Variants in ZBTB40 observed in about 807,000 individuals in gnomAD.
ZBTB40 encodes the protein zinc finger and BTB domain containing 40.
A neutral mutation model predicts 117.5 loss-of-function variants in ZBTB40; 60 were observed. That is an observed-to-expected ratio of 0.51 (90% CI 0.41 to 0.63). The LOEUF is 0.63. Ranked by LOEUF, ZBTB40 falls within the 30% of genes least tolerant of loss-of-function variation. The pLI is 0.00. For synonymous variants in ZBTB40, 525 were observed against 577.1 expected (o/e 0.91, Z 1.29); for missense variants, 1,287 against 1,498.5 (o/e 0.86, Z 2.33).
At chr1:22,508,429 C>G in intron 7 of ZBTB40, 101 bp from the exon 8 acceptor site, 1 of 1,423,480 alleles carries the variant, frequency 7.0e-7, no homozygotes, top group Non-Finnish European at 9.9e-7. Context: ...AACTCCTTCC[C>G]CAAACATATT....
chr1:22,524,020 G>C (rs1441541423), intron 16 of ZBTB40, among the ~76,000 whole-genome samples, 198 bp from the exon 17 acceptor site: 1 of 152,086 alleles, frequency 6.6e-6, no homozygotes, highest in African/African-American at 2.4e-5. Flanking sequence ...CCCTTCCAAG[G>C]CTCTGTCCTT....
intron 1 of ZBTB40, among the ~76,000 whole-genome samples, chr1:22,453,300 T>G (rs532088739): frequency 6.6e-6 from 1 of 152,348 alleles, no homozygotes; most frequent in African/African-American, 2.4e-5. Flanking sequence ...TATTCATTAG[T>G]GGTTTAACAA....
exon 1 of ZBTB40, among the ~76,000 whole-genome samples, chr1:22,428,933 G>C (rs1411193617): frequency 6.6e-6 from 1 of 152,154 alleles, no homozygotes; most frequent in Admixed American, 6.5e-5. Flanking sequence ...CCTCCTTCTT[G>C]CCGGTTGGAA....
chr1:22,450,823 TATTG>T (rs1640853724), upstream of ZBTB40, among the ~76,000 whole-genome samples: 1 of 152,140 alleles, frequency 6.6e-6, no homozygotes, highest in African/African-American at 2.4e-5. Flanking sequence ...AACGACTGAA[TATTG>T]ACATTGCAGA....
intron 1 of ZBTB40, among the ~76,000 whole-genome samples, chr1:22,444,548 G>T (rs991203249): frequency 2.6e-5 from 4 of 152,224 alleles, no homozygotes; most frequent in African/African-American, 9.7e-5. Flanking sequence ...GTTCAAGCAT[G>T]TGCACTAAGA....
intron 1 of ZBTB40, among the ~76,000 whole-genome samples, chr1:22,472,793 A>C (rs1374454970): frequency 1.3e-5 from 2 of 152,222 alleles, no homozygotes; most frequent in Non-Finnish European, 2.9e-5. Context: ...GATCAAGAGC[A>C]GTGTGTCCTG....
chr1:22,491,249 A>G, intron 2 of ZBTB40, 151 bp from the exon 3 acceptor site: 2 of 773,222 alleles, frequency 2.6e-6, no homozygotes, highest in Non-Finnish European at 4.2e-6. Context: ...AAGCTGTGAG[A>G]GATACTGTTG....
chr1:22,501,033 G>C (rs550179438), intron 3 of ZBTB40, among the ~76,000 whole-genome samples: 1 of 152,208 alleles, frequency 6.6e-6, no homozygotes, highest in African/African-American at 2.4e-5. Flanking sequence ...GTATAATTAG[G>C]TAAGAAGTGC....
At chr1:22,512,472 G>A (rs539177327) in intron 11 of ZBTB40, among the ~76,000 whole-genome samples, 1 of 152,200 alleles carries the variant, frequency 6.6e-6, no homozygotes, top group Non-Finnish European at 1.5e-5. Context: ...GTGATAACCA[G>A]CTACTTAATA....
intron 1 of ZBTB40, among the ~76,000 whole-genome samples, chr1:22,483,118 C>G (rs1222966872): frequency 6.6e-6 from 1 of 152,010 alleles, no homozygotes; most frequent in Non-Finnish European, 1.5e-5. Context: ...AGTTTCCTCC[C>G]TGTCTTTTCA....
intron 1 of ZBTB40, among the ~76,000 whole-genome samples, chr1:22,457,432 A>G (rs753967951): frequency 7.2e-5 from 11 of 152,244 alleles, no homozygotes; most frequent in Non-Finnish European, 1.3e-4. Context: ...AAACTCCTAT[A>G]GGCCAGAGTT....
Position 22,530,910 on chromosome 1 carries a change from C to G in ZBTB40, c.*4514C>G, listed in dbSNP as rs1275790126. Reference sequence around the variant, plus strand: ...TCCTTCCCAGGGAGCAAGTGTGGGGCAGGGTTTCAGAGCACAGGCTTTGGT... The same window carrying G: ...TCCTTCCCAGGGAGCAAGTGTGGGGGAGGGTTTCAGAGCACAGGCTTTGGT... On this transcript the variant is annotated 3_prime_UTR_variant, in exon 18 of 18. Coordinates refer to ENST00000375647, the MANE Select transcript of ZBTB40 (RefSeq NM_014870.4). 6.6e-6 allele frequency: 1 copy of G among 152,108 alleles called. No individual in the cohort carries two copies. The highest frequency in any genetic ancestry group is 1.5e-5 in the Non-Finnish European group (1 of 68,026). The allele number at this position is 152,108 out of a possible 1,614,324, so 9.4% of individuals were successfully genotyped here.
intron 16 of ZBTB40, among the ~76,000 whole-genome samples, chr1:22,522,945 C>CTTTT (rs34232963): frequency 9.6e-5 from 9 of 93,910 alleles, no homozygotes; most frequent in Admixed American, 1.4e-4. Context: ...TAAGATGTAC[C>CTTTT]TTTTTTTTTT....
intron 16 of ZBTB40, among the ~76,000 whole-genome samples, chr1:22,522,852 A>G (rs935745462): frequency 6.8e-6 from 1 of 146,302 alleles, no homozygotes; most frequent in Non-Finnish European, 1.5e-5. Context: ...TGCAACCTCC[A>G]TCTCCTGGGT....
chr1:22,464,390 T>G (rs1641204902), intron 1 of ZBTB40, among the ~76,000 whole-genome samples: 1 of 152,248 alleles, frequency 6.6e-6, no homozygotes, highest in South Asian at 2.1e-4. Context: ...TTCTGGACTC[T>G]TCTTCCCCTA....
At chr1:22,488,716 A>G (rs907750074) in intron 1 of ZBTB40, among the ~76,000 whole-genome samples, 14 of 152,214 alleles carry the variant, frequency 9.2e-5, no homozygotes, top group African/African-American at 3.4e-4. Context: ...ACTGGAAGCC[A>G]TTTAAGGCTT....
At chr1:22,501,845 A>G (rs1413357809) in intron 4 of ZBTB40, among the ~76,000 whole-genome samples, 161 bp downstream of exon 4, 1 of 152,226 alleles carries the variant, frequency 6.6e-6, no homozygotes, top group Admixed American at 6.5e-5. Context: ...ATATACACCA[A>G]CTAAATTTGA....
chr1:22,512,864 A>G (rs1484095382), intron 11 of ZBTB40, 60 bp from the exon 12 acceptor site: 2 of 1,583,658 alleles, frequency 1.3e-6, no homozygotes, highest in East Asian at 2.2e-5. Context: ...ATCCTGTGCT[A>G]GATTCCTAAC....
intron 7 of ZBTB40, 106 bp from the exon 8 acceptor site, chr1:22,508,424 C>T: frequency 7.2e-7 from 1 of 1,386,858 alleles, no homozygotes; most frequent in Non-Finnish European, 1.0e-6. Context: ...TGAAAAACTC[C>T]TTCCCCAAAC....
Sources: gnomAD v4.1 joint callset for allele counts (sites outside exome capture counted in the v4.1 genomes callset) on GRCh38, gnomAD v4.1.1 for gene constraint, MANE v1.5 for transcripts, NCBI Gene and HGNC (gene_info 2026-07-23, HGNC 2026-07-21) for gene names.